Variants in TREM1 observed in about 807,000 individuals in gnomAD.
The protein encoded by TREM1 is triggering receptor expressed on monocytes 1.
TREM1 carries 16 observed loss-of-function variants against 22.4 expected under a neutral mutation model. The ratio of observed to expected loss-of-function variants is 0.71; its 90% CI spans 0.48 to 1.08. The LOEUF (loss-of-function observed/expected upper bound fraction) is 1.08, where lower values mean the gene tolerates loss of function less well. Ranked by LOEUF, TREM1 falls within the 50% of genes least tolerant of loss-of-function variation. The pLI is 0.00. For missense variants in TREM1, 283 were observed against 282.9 expected, an observed-to-expected ratio of 1.00 and a Z score of 0.00; for synonymous variants, 110 against 111.6, an observed-to-expected ratio of 0.99 and a Z score of 0.09.
chr6:41,286,294 T>G (rs1306248293), intron 1 of TREM1, among the ~76,000 whole-genome samples: 2 of 152,166 alleles, frequency 1.3e-5, no homozygotes, highest in Admixed American at 6.5e-5. Flanking sequence ...AGAAAAAAAT[T>G]TCAACATCAA....
At chr6:41,279,528 G>A in intron 3 of TREM1, 1 of 984,808 alleles carries the variant, frequency 1.0e-6, no homozygotes. Context: ...AAAAAAAATT[G>A]ACTCTTAGTA....
chr6:41,276,288 G>A, intron 3 of TREM1, 58 bp from the exon 4 acceptor site: 1 of 1,304,412 alleles, frequency 7.7e-7, no homozygotes, highest in Non-Finnish European at 1.1e-6. Context: ...ACACGCACAT[G>A]TTCCCTCTAG....
At chr6:41,284,751 G>C (rs1156983788) in intron 1 of TREM1, among the ~76,000 whole-genome samples, 3 of 152,172 alleles carry the variant, frequency 2.0e-5, no homozygotes, top group African/African-American at 4.8e-5. Context: ...CCCAGGATAG[G>C]CCAACAGATC....
intron 3 of TREM1, chr6:41,279,999 C>T: frequency 4.1e-6 from 4 of 979,836 alleles, no homozygotes; most frequent in Non-Finnish European, 4.8e-6. Flanking sequence ...TTATGGCTTT[C>T]CCAATTGATA....
chr6:41,279,244 G>T (rs1767796893), intron 3 of TREM1, among the ~76,000 whole-genome samples: 1 of 152,194 alleles, frequency 6.6e-6, no homozygotes, highest in Non-Finnish European at 1.5e-5. Context: ...GGAACTTCAC[G>T]TGGAGTACTT....
At chr6:41,273,082 G>T (rs1767529352), downstream of TREM1, among the ~76,000 whole-genome samples, 1 of 152,154 alleles carries the variant, frequency 6.6e-6, no homozygotes, top group Admixed American at 6.5e-5. Context: ...GCATGATTCT[G>T]CCCAGGACCC....
chr6:41,282,852 C>G (rs1767994746), intron 1 of TREM1, 101 bp from the exon 2 acceptor site: 1 of 1,107,562 alleles, frequency 9.0e-7, no homozygotes. Context: ...TCCAACCACC[C>G]ATATTTCAGA....
intron 1 of TREM1, 150 bp from the exon 2 acceptor site, chr6:41,282,901 C>T: frequency 1.4e-6 from 1 of 729,550 alleles, no homozygotes; most frequent in Non-Finnish European, 2.3e-6. Flanking sequence ...ACAACTTGCC[C>T]TGCAAGCCAG....
chr6:41,279,940 G>C lies in TREM1; in HGVS notation c.599+1021C>G, dbSNP rs1010184381. Reference sequence around the variant, plus strand: ...TCTGCAAGAATATGTTTATCTCAGAGTTATCAACACTATATCAATGTCTAA... The same window carrying C: ...TCTGCAAGAATATGTTTATCTCAGACTTATCAACACTATATCAATGTCTAA... On this transcript the variant is annotated intron_variant, in intron 3 of 3. Coordinates refer to ENST00000244709, the MANE Select transcript of TREM1 (RefSeq NM_018643.5). 1.7e-5 allele frequency: 17 copies of C among 975,716 alleles called. No individual in the cohort carries two copies. In the Admixed American group the frequency reaches 8.6e-4, roughly 49 times the overall value. 60.4% of individuals were successfully genotyped at this position (975,716 alleles called of 1,614,324 possible).
intron 1 of TREM1, among the ~76,000 whole-genome samples, chr6:41,285,370 C>CTTTTTTTT: frequency 6.6e-6 from 1 of 152,296 alleles, no homozygotes; most frequent in South Asian, 2.1e-4. Flanking sequence ...AAAAAGTTGA[C>CTTTTTTTT]ACCATTATTC....
At chr6:41,272,175 C>T, downstream of TREM1, among the ~76,000 whole-genome samples, 1 of 152,060 alleles carries the variant, frequency 6.6e-6, no homozygotes. Context: ...GAGAGGCAGG[C>T]TGGCCACCCT....
intron 3 of TREM1, chr6:41,280,545 A>T: frequency 9.1e-7 from 1 of 1,104,884 alleles, no homozygotes; most frequent in East Asian, 5.9e-5. Flanking sequence ...TGAATTGTCA[A>T]AGAAGCTAAA....
At chr6:41,273,544 G>A (rs995062767), downstream of TREM1, among the ~76,000 whole-genome samples, 5 of 152,194 alleles carry the variant, frequency 3.3e-5, no homozygotes, top group African/African-American at 4.8e-5. Context: ...GACCTGTGTC[G>A]TTAGCCACAC....
At chr6:41,269,395 A>G (rs1388642342), downstream of TREM1, among the ~76,000 whole-genome samples, 5 of 152,180 alleles carry the variant, frequency 3.3e-5, no homozygotes, top group East Asian at 7.7e-4. Flanking sequence ...TCATTGATTC[A>G]CCAGGTATGA....
At chr6:41,276,489 T>C (rs1767676456) in intron 3 of TREM1, among the ~76,000 whole-genome samples, 3 of 152,014 alleles carry the variant, frequency 2.0e-5, no homozygotes, top group Admixed American at 1.3e-4. Flanking sequence ...CCCATCCTCC[T>C]CCCTGTGATG....
rs1371416801 is a variant in TREM1 at position 41,280,991 on chromosome 6, A to G, written c.569T>C (p.Ile190Thr). 6.2e-7 allele frequency: 1 copy of G among 1,614,238 alleles called. No individual in the cohort carries two copies. The highest frequency in any genetic ancestry group is 1.1e-5 in the South Asian group (1 of 91,090). The change falls in exon 3 of 4, where the codon ATC (isoleucine) becomes ACC (threonine). Residue 190 changes from isoleucine (I) to threonine (T), a missense_variant. By Grantham distance (89) the Ile-to-Thr change is moderately conservative. Coordinates refer to ENST00000244709, the MANE Select transcript of TREM1 (RefSeq NM_018643.5). ...GATATCTGTCACATTTGTAAGGTTG[A>G]TTTCAGAGTCAGGAGTGGAGACATC... ...TADVSTPDSE[I>T]NLTNVTDIIR...
At chr6:41,284,572 C>G (rs7742140) in intron 1 of TREM1, among the ~76,000 whole-genome samples, 1 of 152,136 alleles carries the variant, frequency 6.6e-6, no homozygotes, top group Non-Finnish European at 1.5e-5. Flanking sequence ...CCTGGGGTAC[C>G]TTCCCCCATG....
intron 2 of TREM1, chr6:41,281,394 G>A (rs1767915190): frequency 1.4e-5 from 7 of 500,084 alleles, no homozygotes; most frequent in Middle Eastern, 5.3e-4. Flanking sequence ...AAGGAAAGAA[G>A]AAAAAAAGGG....
chr6:41,276,048 C>T lies in TREM1; in HGVS notation c.*77G>A, dbSNP rs953345248. On this transcript the variant is annotated 3_prime_UTR_variant, in exon 4 of 4. Coordinates refer to ENST00000244709, the MANE Select transcript of TREM1 (RefSeq NM_018643.5). ...ATGTTATTAACTCCCTGCCTTTTAC[C>T]TCCTCCCTCCTCCCTTGGCACAACT... The T allele has an allele frequency of 1.1e-5, 12 of 1,084,480 alleles. No individual in the cohort carries two copies. In the African/African-American group the frequency reaches 1.4e-4, roughly 13 times the overall value. 67.2% of individuals were successfully genotyped at this position (1,084,480 alleles called of 1,614,324 possible). A position where few individuals can be genotyped will look rare whatever the true frequency, so the allele number is the denominator to read the frequency against.
Sources: gnomAD v4.1 joint callset for allele counts (sites outside exome capture counted in the v4.1 genomes callset) on GRCh38, gnomAD v4.1.1 for gene constraint, MANE v1.5 for transcripts, NCBI Gene and HGNC (gene_info 2026-07-23, HGNC 2026-07-21) for gene names.